Variants in CEP128 observed in about 807,000 individuals in gnomAD.
The protein encoded by CEP128 is centrosomal protein 128, also known as centrosomal protein 128kDa.
In CEP128, 132 loss-of-function variants were observed where a neutral mutation model predicts 156.7. The observed-to-expected ratio is 0.84, with a 90% CI of 0.73 to 0.97. The LOEUF (loss-of-function observed/expected upper bound fraction) is 0.97. Among genes scored for constraint, CEP128 ranks in the 50% least tolerant of loss-of-function variants. The pLI is 0.00. For missense variants in CEP128, 1,252 were observed against 1,281.9 expected (o/e 0.98, Z 0.36); for synonymous variants, 469 against 448.9 (o/e 1.04, Z -0.57).
intron 20 of CEP128, among the ~76,000 whole-genome samples, chr14:80,573,805 C>G (rs1015656478): frequency 6.6e-6 from 1 of 152,130 alleles, no homozygotes; most frequent in Non-Finnish European, 1.5e-5. Flanking sequence ...GTTCACCTTT[C>G]GAGAAAATAG....
At chr14:80,689,423 C>T (rs1309720159) in intron 19 of CEP128, among the ~76,000 whole-genome samples, 1 of 151,656 alleles carries the variant, frequency 6.6e-6, no homozygotes, top group Non-Finnish European at 1.5e-5. Context: ...GAACGTGAAC[C>T]TAAAGAGACC....
intron 19 of CEP128, among the ~76,000 whole-genome samples, chr14:80,685,930 C>T (rs1035294618): frequency 1.3e-5 from 2 of 151,998 alleles, no homozygotes; most frequent in Non-Finnish European, 2.9e-5. Context: ...ACTTGGACTC[C>T]TACGTAACAT....
intron 19 of CEP128, among the ~76,000 whole-genome samples, chr14:80,668,212 A>G (rs1895705220): frequency 1.3e-5 from 2 of 152,330 alleles, no homozygotes; most frequent in South Asian, 4.1e-4. Flanking sequence ...AAAGAAACAC[A>G]GCTGCTATGT....
intron 9 of CEP128, among the ~76,000 whole-genome samples, chr14:80,845,753 A>T (rs1028235694): frequency 6.6e-6 from 1 of 152,186 alleles, no homozygotes; most frequent in Non-Finnish European, 1.5e-5. Context: ...TACTAAGCCA[A>T]TGAATAAGTC....
At chr14:80,834,072 A>G (rs1885949755) in intron 12 of CEP128, among the ~76,000 whole-genome samples, 1 of 152,162 alleles carries the variant, frequency 6.6e-6, no homozygotes, top group South Asian at 2.1e-4. Context: ...AATGGTTAGG[A>G]GAGCAAATAG....
intron 4 of CEP128, among the ~76,000 whole-genome samples, chr14:80,911,750 G>A (rs900070501): frequency 6.6e-6 from 1 of 152,094 alleles, no homozygotes; most frequent in African/African-American, 2.4e-5. Context: ...TTCAGTAAAT[G>A]ATACTTTTTA....
At chr14:80,875,661 T>TG (rs34293475) in intron 8 of CEP128, among the ~76,000 whole-genome samples, 1 of 152,154 alleles carries the variant, frequency 6.6e-6, no homozygotes, top group Non-Finnish European at 1.5e-5. Context: ...AATCAGTGAG[T>TG]GGGTTTAATA....
intron 19 of CEP128, among the ~76,000 whole-genome samples, chr14:80,680,029 G>C (rs769972097): frequency 2.0e-5 from 3 of 152,250 alleles, no homozygotes; most frequent in African/African-American, 4.8e-5. Context: ...TGGCAGCGTA[G>C]TTGCGCATGC....
At chr14:80,756,524 T>G (rs775589521) in intron 18 of CEP128, among the ~76,000 whole-genome samples, 25 of 152,190 alleles carry the variant, frequency 1.6e-4, no homozygotes, top group Non-Finnish European at 2.1e-4. Context: ...ATTGCTTTTT[T>G]CCAGAAGCTG....
intron 23 of CEP128, among the ~76,000 whole-genome samples, chr14:80,509,988 G>GC (rs1860481008): frequency 6.6e-6 from 1 of 152,070 alleles, no homozygotes; most frequent in South Asian, 2.1e-4. Context: ...CTATGTGTCT[G>GC]TTTTTATGCC....
At chr14:80,958,892 G>A (rs149642349) in intron 1 of CEP128, among the ~76,000 whole-genome samples, 6 of 152,126 alleles carry the variant, frequency 3.9e-5, no homozygotes, top group Non-Finnish European at 8.8e-5. Flanking sequence ...AAAATGTAAG[G>A]TATTTTGTTC....
chr14:80,673,219 C>T (rs2140936419), intron 19 of CEP128, among the ~76,000 whole-genome samples: 1 of 152,248 alleles, frequency 6.6e-6, no homozygotes, highest in Admixed American at 6.5e-5. Context: ...ATTCTGAAAT[C>T]ATAAAATACG....
intron 19 of CEP128, among the ~76,000 whole-genome samples, chr14:80,699,073 T>C (rs1477888721): frequency 6.6e-6 from 1 of 152,160 alleles, no homozygotes; most frequent in Non-Finnish European, 1.5e-5. Context: ...CTTGTGAACA[T>C]AAAATCCGAT....
At chr14:80,753,400 T>C (rs1274084223) in intron 18 of CEP128, among the ~76,000 whole-genome samples, 3 of 152,230 alleles carry the variant, frequency 2.0e-5, no homozygotes, top group African/African-American at 7.2e-5. Context: ...AAATACTGGA[T>C]ATAGGAATTA....
At chr14:80,726,149 T>G (rs1238954866) in intron 19 of CEP128, among the ~76,000 whole-genome samples, 1 of 152,226 alleles carries the variant, frequency 6.6e-6, no homozygotes, top group South Asian at 2.1e-4. Context: ...CTGATGACCA[T>G]GACAGCCATG....
At chr14:80,933,660 C>G (rs1885615395) in intron 2 of CEP128, among the ~76,000 whole-genome samples, 1 of 152,138 alleles carries the variant, frequency 6.6e-6, no homozygotes, top group Non-Finnish European at 1.5e-5. Flanking sequence ...GGACATCTGT[C>G]TCATCTGTTT....
intron 13 of CEP128, among the ~76,000 whole-genome samples, chr14:80,811,394 C>T (rs1439395317): frequency 2.0e-5 from 3 of 152,218 alleles, no homozygotes; most frequent in African/African-American, 7.2e-5. Context: ...TACATTCCCA[C>T]CAATAGTGTA....
intron 19 of CEP128, among the ~76,000 whole-genome samples, chr14:80,695,098 C>A (rs1896846136): frequency 6.6e-6 from 1 of 150,898 alleles, no homozygotes; most frequent in African/African-American, 2.4e-5. Context: ...AAGGGAAAAA[C>A]CTGGAATAGA....
At chr14:80,731,540 C>T (rs146714521) in intron 19 of CEP128, among the ~76,000 whole-genome samples, 31 of 152,196 alleles carry the variant, frequency 2.0e-4, no homozygotes, top group African/African-American at 7.2e-4. Context: ...CTGTGGGTAG[C>T]GACCTTGTCA....
Sources: gnomAD v4.1 joint callset for allele counts (sites outside exome capture counted in the v4.1 genomes callset) on GRCh38, gnomAD v4.1.1 for gene constraint, MANE v1.5 for transcripts, NCBI Gene and HGNC (gene_info 2026-07-23, HGNC 2026-07-21) for gene names.